Variants in IQCN observed in about 807,000 individuals in gnomAD.
IQCN encodes the protein IQ domain-containing protein N.
IQCN carries 46 observed loss-of-function variants against 64.4 expected under a neutral mutation model. The observed-to-expected ratio is 0.71, with a 90% CI of 0.56 to 0.91. IQCN has a LOEUF of 0.91. Among genes scored for constraint, IQCN ranks in the 40% least tolerant of loss-of-function variants. The probability of loss-of-function intolerance (pLI) is 0.00; values close to 1 mark genes in which losing one functional copy is unlikely to be tolerated. For missense variants in IQCN, 1,753 were observed against 1,857.4 expected (o/e 0.94, Z 1.03); for synonymous variants, 733 against 775.6 (o/e 0.95, Z 0.91).
rs768706592 is a variant in IQCN at position 18,266,008 on chromosome 19, A to G, written c.1532T>C (p.Val511Ala). 4.3e-6 allele frequency: 7 copies of G among 1,614,026 alleles called. No homozygotes were observed. The highest frequency in any genetic ancestry group is 1.6e-4 in the Middle Eastern group (1 of 6,062). ...ITKTPAQLRS[V>A]ATILKTLCLA... ...ACACAGAGTCTTGAGGATGGTGGCC[A>G]CCGAGCGTAACTGGGCTGGGGTCTT... Residue 511 changes from valine to alanine, a missense_variant, in exon 3 of 4, where the codon GTG (valine) becomes GCG (alanine). Coordinates refer to ENST00000392413, the MANE Select transcript of IQCN (RefSeq NM_001145304.2). The surrounding 1 kb of genome is among the most constrained non-coding windows in gnomAD (Gnocchi z 4.3).
chr19:18,257,171 G>C lies in IQCN; in HGVS notation c.*9C>G. Reference sequence around the variant, plus strand: ...TCCCACGAAGTCCCCACTGCAGGGAGCCAGGGTCCTAGATGCCAGGCCAAT... The same window carrying C: ...TCCCACGAAGTCCCCACTGCAGGGACCCAGGGTCCTAGATGCCAGGCCAAT... On this transcript the variant is annotated 3_prime_UTR_variant, in exon 4 of 4. Coordinates refer to ENST00000392413, the MANE Select transcript of IQCN (RefSeq NM_001145304.2). 3 of 1,611,616 alleles carry C rather than the reference G, an allele frequency of 1.9e-6. No homozygotes were observed. Among genetic ancestry groups the C allele is most frequent in the South Asian group, 1.1e-5 (1 of 91,070 alleles).
In IQCN at chr19:18,267,420, G is replaced by T. The variant is rs553608312; in HGVS notation, c.120C>A (p.His40Gln). 6.4e-7 allele frequency: 1 copy of T among 1,574,574 alleles called. No homozygotes were observed. Among genetic ancestry groups the T allele is most frequent in the Non-Finnish European group, 8.6e-7 (1 of 1,160,910 alleles). Residue 40 changes from histidine to glutamine, a missense_variant, in exon 3 of 4, where the codon CAC becomes CAA. His to Gln is a conservative substitution (Grantham distance 24). Coordinates refer to ENST00000392413, the MANE Select transcript of IQCN (RefSeq NM_001145304.2). ...TCTCCATTTTGTCCAGGAGACTGGG[G>T]TGAGCGGGGGCTGGAGGATGCACCG... Reference protein sequence around the residue: ...QWAVHPPAPAHPSLLDKMEKA... With the variant: ...QWAVHPPAPAQPSLLDKMEKA...
rs143618186 is a variant in IQCN, at chr19:18,265,278, C to T, written c.2262G>A (p.Thr754=). 4.0e-5 allele frequency: 65 copies of T among 1,613,972 alleles called. No individual in the cohort carries two copies. The Admixed American group carries it at 4.8e-4, about 12-fold the overall frequency. Residue 754 remains threonine, a synonymous_variant, in exon 3 of 4, where the codon ACG becomes ACA. Transcript: ENST00000392413. The surrounding 1 kb of genome is among the most constrained non-coding windows in gnomAD (Gnocchi z 4.7). The part of the protein sequence containing the change: ...SRGQPITDIT[T]CLIPAHQAAD... ...CAGCCTGGTGCGCTGGGATGAGGCACGTGGTTATGTCTGTGATCGGCTGCC... is the reference window on the plus strand; with the variant it reads ...CAGCCTGGTGCGCTGGGATGAGGCATGTGGTTATGTCTGTGATCGGCTGCC...
chr19:18,265,315 G>A lies in IQCN; in HGVS notation c.2225C>T (p.Thr742Met), dbSNP rs761192366. ...TGTGATCGGCTGCCCCCGGGACTGCGTCTTGGTCAGACAGGTGGCTAGAGG... is the reference window on the plus strand; with the variant it reads ...TGTGATCGGCTGCCCCCGGGACTGCATCTTGGTCAGACAGGTGGCTAGAGG... ...QAPLATCLTK[T>M]QSRGQPITDI... is the part of the protein sequence containing the mutation. The change falls in exon 3 of 4, where the codon ACG becomes ATG. Residue 742 changes from threonine to methionine, a missense_variant. Physicochemically the swap from Thr to Met is moderately conservative, Grantham distance 81. Coordinates refer to ENST00000392413, the MANE Select transcript of IQCN (RefSeq NM_001145304.2). This position sits in a 1 kb window ranked among gnomAD's most constrained non-coding sequence, Gnocchi z 4.7. The A allele has an allele frequency of 5.8e-5, 93 of 1,614,060 alleles. 1 individual carries two copies. The South Asian group carries it at 5.9e-4, about 10-fold the overall frequency.
At chr19:18,270,178 G>A (rs1357887409) in intron 1 of IQCN, among the ~76,000 whole-genome samples, 3 of 151,762 alleles carry the variant, frequency 2.0e-5, no homozygotes, top group Admixed American at 2.0e-4. Flanking sequence ...TGGCCAACAT[G>A]GTAAAACCCC....
rs1969322327 is a variant in IQCN at position 18,257,493 on chromosome 19, G to T, written c.3791C>A (p.Pro1264His). Residue 1264 changes from proline (P) to histidine (H), a missense_variant, in exon 4 of 4, where the codon CCC becomes CAC. Coordinates refer to ENST00000392413, the MANE Select transcript of IQCN (RefSeq NM_001145304.2). ...RTCHTCGRTQPTRVVQGMGQG... is the reference protein window; with the variant it reads ...RTCHTCGRTQHTRVVQGMGQG... Reference sequence around the variant, plus strand: ...GCCCATGCCCTGCACCACACGGGTGGGCTGTGTGCGTCCACAGGTATGACA... The same window carrying T: ...GCCCATGCCCTGCACCACACGGGTGTGCTGTGTGCGTCCACAGGTATGACA... The T allele has an allele frequency of 6.2e-7, 1 of 1,609,276 alleles. No individual in the cohort carries two copies. The highest frequency in any genetic ancestry group is 8.5e-7 in the Non-Finnish European group (1 of 1,178,272).
In IQCN at chr19:18,257,520, G is replaced by A. The variant is rs1370902558; in HGVS notation, c.3764C>T (p.Thr1255Ile). The change falls in exon 4 of 4, where the codon ACC becomes ATC. Residue 1255 changes from threonine (T) to isoleucine (I), a missense_variant. Physicochemically the swap from Thr to Ile is moderately conservative, Grantham distance 89 (BLOSUM62 -1). Coordinates refer to ENST00000392413, the MANE Select transcript of IQCN (RefSeq NM_001145304.2). ...VVMLVGSSPR[T>I]CHTCGRTQPT... The stretch of plus-strand genomic sequence containing the variant: ...CTGTGTGCGTCCACAGGTATGACAG[G>A]TGCGAGGGCTGGAGCCCACTAGCAT... 3 of 1,611,480 alleles carry A rather than the reference G, an allele frequency of 1.9e-6. No individual in the cohort carries two copies. Among genetic ancestry groups the A allele is most frequent in the African/African-American group, 2.7e-5 (2 of 75,060 alleles).
intron 1 of IQCN, 74 bp from the exon 2 acceptor site, chr19:18,269,661 A>C (rs1187338637): frequency 1.2e-5 from 6 of 482,202 alleles, no homozygotes; most frequent in Non-Finnish European, 2.2e-5. Context: ...AATTCTAAAA[A>C]AGCTAAATTC....
chr19:18,267,344 G>A lies in IQCN; in HGVS notation c.196C>T (p.Pro66Ser). 1.2e-6 allele frequency: 2 copies of A among 1,614,062 alleles called. No homozygotes were observed. The highest frequency in any genetic ancestry group is 1.3e-5 in the African/African-American group (1 of 75,082). The change falls in exon 3 of 4, where the codon CCG (proline) becomes TCG (serine). Residue 66 changes from proline (P) to serine (S), a missense_variant. By Grantham distance (74) the Pro-to-Ser change is moderately conservative (BLOSUM62 -1). Transcript: ENST00000392413. ...HEGLKSKEHL[P>S]QQPAEGKTAS... Reference sequence around the variant, plus strand: ...GTCTTGCCTTCGGCAGGCTGTTGCGGAAGATGCTCCTTGGACTTGAGGCCC... The same window carrying A: ...GTCTTGCCTTCGGCAGGCTGTTGCGAAAGATGCTCCTTGGACTTGAGGCCC...
chr19:18,266,194 G>T lies in IQCN; in HGVS notation c.1346C>A (p.Ala449Glu). 3 of 1,614,136 alleles carry T rather than the reference G, an allele frequency of 1.9e-6. No homozygotes were observed. Among genetic ancestry groups the T allele is most frequent in the Non-Finnish European group, 2.5e-6 (3 of 1,180,022 alleles). The change falls in exon 3 of 4, where the codon GCG becomes GAG. Residue 449 changes from alanine (A) to glutamate (E), a missense_variant. By Grantham distance (107) the Ala-to-Glu change is moderately radical. Transcript: ENST00000392413. This position sits in a 1 kb window ranked among gnomAD's most constrained non-coding sequence, Gnocchi z 4.3. ...KSLPQVCPGP[A>E]MAKTPPQMHP... ...CATCTGGGGTGGGGTCTTTGCCATC[G>T]CAGGCCCCGGGCATACCTGGGGCAG...
Position 18,257,271 on chromosome 19 carries a change from T to G in IQCN, c.4013A>C (p.His1338Pro). ...TGTGTTCTTCAGACAGCTCCGGGTA[T>G]GGTGGCCTCGCCAGGTGGCTTGAAC... ...KIVQATWRGHHTRSCLKNTEA... is the reference protein window; with the variant it reads ...KIVQATWRGHPTRSCLKNTEA... The change falls in exon 4 of 4, where the codon CAT becomes CCT. Residue 1338 changes from histidine to proline, a missense_variant. Transcript: ENST00000392413. The G allele has an allele frequency of 1.2e-6, 2 of 1,613,746 alleles. No individual in the cohort carries two copies. The highest frequency in any genetic ancestry group is 2.2e-5 in the South Asian group (2 of 91,090).
At chr19:18,270,068 A>AAG (rs1261319509) in intron 1 of IQCN, among the ~76,000 whole-genome samples, 1 of 149,780 alleles carries the variant, frequency 6.7e-6, no homozygotes, top group African/African-American at 2.4e-5. Flanking sequence ...AAAAAAAAAA[A>AAG]AAAAAAAAAA....
intron 3 of IQCN, among the ~76,000 whole-genome samples, chr19:18,263,709 A>G (rs8100181): frequency 0.54 from 82,757 of 151,876 alleles, 23,593 homozygotes; most frequent in African/African-American, 0.71. Context: ...TCTGGCCACT[A>G]AGGGTTGGTA....
At chr19:18,263,305 T>G (rs1425741308) in intron 3 of IQCN, among the ~76,000 whole-genome samples, 1 of 152,152 alleles carries the variant, frequency 6.6e-6, no homozygotes, top group Non-Finnish European at 1.5e-5. Flanking sequence ...TTCTCCTGAC[T>G]GTAGGTCACA....
rs1600125076 is a variant in IQCN at position 18,264,957 on chromosome 19, C to A, written c.2583G>T (p.Met861Ile). The A allele has an allele frequency of 1.2e-6, 2 of 1,610,784 alleles. No homozygotes were observed. The highest frequency in any genetic ancestry group is 1.1e-5 in the South Asian group (1 of 91,090). ...CCTGGCAGGGCACCGCCTGGCCGGGCATTGATGGCTGGGCACGTGTGGCTC... is the reference window on the plus strand; with the variant it reads ...CCTGGCAGGGCACCGCCTGGCCGGGAATTGATGGCTGGGCACGTGTGGCTC... ...DNGATRAQPS[M>I]PGQAVPCQED... is the part of the protein sequence containing the mutation. Residue 861 changes from methionine to isoleucine, a missense_variant, in exon 3 of 4, where the codon ATG becomes ATT. Physicochemically the swap from Met to Ile is conservative, Grantham distance 10. Coordinates refer to ENST00000392413, the MANE Select transcript of IQCN (RefSeq NM_001145304.2). This position sits in a 1 kb window ranked among gnomAD's most constrained non-coding sequence, Gnocchi z 4.3.
At chr19:18,258,359 A>G (rs1188135380) in intron 3 of IQCN, 2 of 687,288 alleles carry the variant, frequency 2.9e-6, no homozygotes, top group Non-Finnish European at 5.3e-6. Flanking sequence ...GGTTTGCACC[A>G]CTTCGGGCTG....
rs768111333 is a variant in IQCN at position 18,267,026 on chromosome 19, G to A, written c.514C>T (p.Arg172Cys). The stretch of plus-strand genomic sequence containing the variant: ...CGGTTCTCTTCCGGATGCTGGAAGC[G>A]CACCTGCTGTGGGGCGTGATAAGGT... ...DIPYHAPQQV[R>C]FQHPEENRLL... The change falls in exon 3 of 4, where the codon CGC (arginine) becomes TGC (cysteine). Residue 172 changes from arginine (R) to cysteine (C), a missense_variant. Physicochemically the swap from Arg to Cys is radical, Grantham distance 180. Transcript: ENST00000392413. 16 of 1,614,118 alleles carry A rather than the reference G, an allele frequency of 9.9e-6. No homozygotes were observed. Among genetic ancestry groups the A allele is most frequent in the Middle Eastern group, 3.3e-4 (2 of 6,084 alleles).
At position 18,257,546 on chromosome 19, in the gene IQCN, C is replaced by T. The variant is rs779698719; in HGVS notation, c.3738G>A (p.Val1246=). Residue 1246 remains valine, a synonymous_variant, in exon 4 of 4, where the codon GTG becomes GTA. Transcript: ENST00000392413. The stretch of plus-strand genomic sequence containing the variant: ...TGCGAGGGCTGGAGCCCACTAGCAT[C>T]ACCACGCTGGGCGGGCTCCCGATCC... ...SSRIGSPPSV[V]MLVGSSPRTC... The T allele has an allele frequency of 6.8e-6, 11 of 1,612,136 alleles. No homozygotes were observed. The highest frequency in any genetic ancestry group is 1.7e-5 in the Admixed American group (1 of 59,932).
chr19:18,270,051 TA>T (rs60981546), intron 1 of IQCN, among the ~76,000 whole-genome samples: 13,204 of 75,440 alleles, frequency 0.18, 924 homozygotes, highest in East Asian at 0.34. Context: ...AACTGTCTCT[TA>T]AAAAAAAAAA....
Sources: allele counts gnomAD v4.1 joint callset (sites outside exome capture counted in the v4.1 genomes callset), GRCh38; gene constraint gnomAD v4.1.1; non-coding constraint Gnocchi (gnomAD v3.1); transcripts MANE v1.5; gene names NCBI Gene and HGNC (gene_info 2026-07-23, HGNC 2026-07-21).